Variants in GABRB1 observed in about 807,000 individuals in gnomAD.
The protein encoded by GABRB1 is gamma-aminobutyric acid type A receptor subunit beta1.
In GABRB1, 17 loss-of-function variants were observed where a neutral mutation model predicts 51.6. That is an observed-to-expected ratio of 0.33 (90% CI 0.23 to 0.49). GABRB1 has a LOEUF of 0.49. Among genes scored for constraint, GABRB1 ranks in the 20% least tolerant of loss-of-function variants. The pLI, the probability that GABRB1 is intolerant of heterozygous loss-of-function variation, is 0.99. For synonymous variants in GABRB1, 247 were observed against 218.9 expected, an observed-to-expected ratio of 1.13 and a Z score of -1.14; for missense variants, 410 against 600.6, an observed-to-expected ratio of 0.68 and a Z score of 3.32.
intron 3 of GABRB1, among the ~76,000 whole-genome samples, chr4:47,090,822 C>T (rs1728260763): frequency 6.9e-6 from 1 of 143,894 alleles, no homozygotes. Flanking sequence ...GGCCTACATG[C>T]CTGGCCAGGG....
chr4:47,091,492 A>C (rs1300326377), intron 3 of GABRB1, among the ~76,000 whole-genome samples: 1 of 152,180 alleles, frequency 6.6e-6, no homozygotes, highest in Non-Finnish European at 1.5e-5. Flanking sequence ...TTTTAGGACC[A>C]AAGTAAGAAC....
intron 3 of GABRB1, among the ~76,000 whole-genome samples, chr4:47,063,164 G>C (rs1336036857): frequency 6.6e-6 from 1 of 152,102 alleles, no homozygotes; most frequent in Non-Finnish European, 1.5e-5. Flanking sequence ...TGTTCACTTG[G>C]CTGGAATGAG....
At chr4:47,107,733 G>T (rs917478142) in intron 3 of GABRB1, among the ~76,000 whole-genome samples, 2 of 151,956 alleles carry the variant, frequency 1.3e-5, no homozygotes, top group Non-Finnish European at 2.9e-5. Context: ...TTTGTAGGTT[G>T]GGAGGAAAAT....
intron 3 of GABRB1, among the ~76,000 whole-genome samples, chr4:47,096,326 C>T (rs1263814424): frequency 1.3e-5 from 2 of 152,106 alleles, no homozygotes; most frequent in East Asian, 3.8e-4. Context: ...GTAGGAAGTA[C>T]AAAGTCCTGG....
At chr4:47,353,290 A>C (rs1726429812) in intron 5 of GABRB1, among the ~76,000 whole-genome samples, 1 of 152,228 alleles carries the variant, frequency 6.6e-6, no homozygotes, top group Non-Finnish European at 1.5e-5. Context: ...AATGAATTTC[A>C]TCAAAGTTCC....
intron 4 of GABRB1, among the ~76,000 whole-genome samples, chr4:47,223,204 T>A (rs887237281): frequency 1.3e-5 from 2 of 152,168 alleles, no homozygotes. Context: ...TTTTTTAATG[T>A]ATTTTTTACC....
rs7676357 is a variant in GABRB1 at position 47,209,168 on chromosome 4, A to G, written c.461+47699A>G. Among the ~76,000 whole-genome samples the G allele has an allele frequency of 2.2e-4, 34 of 152,240 alleles. No homozygotes were observed. In the East Asian group the frequency reaches 4.2e-3, roughly 19 times the overall value. On this transcript the variant is annotated intron_variant, in intron 4 of 8. Coordinates refer to ENST00000295454, the MANE Select transcript of GABRB1 (RefSeq NM_000812.4). ...CTGTGGATGTGACTGCACTCACCTAAAGATAGCAATGCTCAAATTTGCCTG... is the reference window on the plus strand; with the variant it reads ...CTGTGGATGTGACTGCACTCACCTAGAGATAGCAATGCTCAAATTTGCCTG...
At chr4:47,119,097 A>G (rs2109644031) in intron 3 of GABRB1, among the ~76,000 whole-genome samples, 1 of 152,336 alleles carries the variant, frequency 6.6e-6, no homozygotes, top group South Asian at 2.1e-4. Flanking sequence ...ACATAGGAAC[A>G]AAATATATGT....
rs1304200406 is a variant in GABRB1, at chr4:47,406,932, A to T, written c.1080+6A>T. The stretch of plus-strand genomic sequence containing the variant: ...TGGAGATGAATAAAGTCCAGGTAAG[A>T]TATTAAATATTCCTAACAATATTCT... On this transcript the variant is annotated splice_donor_region_variant and intron_variant, in intron 8 of 8. Transcript: ENST00000295454. 1 of 1,612,042 alleles carries T rather than the reference A, an allele frequency of 6.2e-7. No homozygotes were observed. The highest frequency in any genetic ancestry group is 1.1e-5 in the South Asian group (1 of 91,000).
At chr4:47,305,530 C>T (rs1724433784) in intron 4 of GABRB1, among the ~76,000 whole-genome samples, 1 of 152,030 alleles carries the variant, frequency 6.6e-6, no homozygotes, top group Non-Finnish European at 1.5e-5. Context: ...GAGCTGGGCC[C>T]TAGTAAATGG....
intron 1 of GABRB1, among the ~76,000 whole-genome samples, chr4:47,008,388 G>C (rs1194077692): frequency 6.6e-6 from 1 of 151,964 alleles, no homozygotes; most frequent in Non-Finnish European, 1.5e-5. Flanking sequence ...TAGAAAGTTT[G>C]TGTTAGAATA....
chr4:47,230,181 T>C (rs1284391061), intron 4 of GABRB1, among the ~76,000 whole-genome samples: 1 of 151,998 alleles, frequency 6.6e-6, no homozygotes, highest in Non-Finnish European at 1.5e-5. Flanking sequence ...TGAGGCTAGG[T>C]AAAAGGAAGA....
chr4:47,105,008 G>T (rs1335302768), intron 3 of GABRB1, among the ~76,000 whole-genome samples: 1 of 151,712 alleles, frequency 6.6e-6, no homozygotes, highest in Non-Finnish European at 1.5e-5. Context: ...ATGTTTTTTG[G>T]TTGAAATGGA....
intron 4 of GABRB1, among the ~76,000 whole-genome samples, chr4:47,274,357 G>C (rs952933912): frequency 2.0e-5 from 3 of 152,086 alleles, no homozygotes; most frequent in African/African-American, 4.8e-5. Flanking sequence ...AATTACTTCA[G>C]TCAATATAAG....
intron 5 of GABRB1, among the ~76,000 whole-genome samples, chr4:47,332,193 A>T (rs1406481844): frequency 6.6e-6 from 1 of 152,206 alleles, no homozygotes; most frequent in East Asian, 1.9e-4. Flanking sequence ...TTGCCAAATC[A>T]CTTCTATAAA....
intron 4 of GABRB1, among the ~76,000 whole-genome samples, chr4:47,294,642 C>T (rs927409092): frequency 9.2e-5 from 14 of 152,242 alleles, no homozygotes; most frequent in Non-Finnish European, 2.9e-5. Context: ...CTCAAGGAGG[C>T]CTGTCTGCCT....
chr4:47,366,854 C>A (rs1431844188), intron 5 of GABRB1, among the ~76,000 whole-genome samples: 1 of 152,308 alleles, frequency 6.6e-6, no homozygotes, highest in South Asian at 2.1e-4. Context: ...TACCTGATTT[C>A]ATGTGCTATT....
At chr4:47,273,565 A>G (rs894971225) in intron 4 of GABRB1, among the ~76,000 whole-genome samples, 1 of 152,160 alleles carries the variant, frequency 6.6e-6, no homozygotes, top group Non-Finnish European at 1.5e-5. Context: ...CTAGTGCCAG[A>G]CTACCTGAGT....
At chr4:47,091,711 T>C in intron 3 of GABRB1, among the ~76,000 whole-genome samples, 1 of 152,228 alleles carries the variant, frequency 6.6e-6, no homozygotes, top group East Asian at 1.9e-4. Context: ...ATACACTGAT[T>C]GCAATTTTCC....
Sources: allele counts gnomAD v4.1 joint callset (sites outside exome capture counted in the v4.1 genomes callset), GRCh38; gene constraint gnomAD v4.1.1; transcripts MANE v1.5; gene names NCBI Gene and HGNC (gene_info 2026-07-23, HGNC 2026-07-21).